LRRIQ3: variants seen among roughly 807,000 people sequenced by gnomAD.
LRRIQ3 encodes the protein leucine-rich repeat and IQ domain-containing protein 3.
In LRRIQ3, 75 loss-of-function variants were observed where a neutral mutation model predicts 59.3. The ratio of observed to expected loss-of-function variants is 1.26; its 90% CI spans 1.05 to 1.53. The LOEUF is 1.53. LRRIQ3 is among the 40% of genes most tolerant of loss of function. The pLI, the probability that LRRIQ3 is intolerant of heterozygous loss-of-function variation, is 0.00. For synonymous variants in LRRIQ3, 250 were observed against 231.3 expected (o/e 1.08, Z -0.73); for missense variants, 831 against 710.0 (o/e 1.17, Z -1.94).
Position 74,091,017 on chromosome 1 carries a change from C to A in LRRIQ3, c.868-16227G>T, listed in dbSNP as rs1250805066. On this transcript the variant is annotated intron_variant, in intron 5 of 7. Transcript: ENST00000354431. Reference sequence around the variant, plus strand: ...TCAAAATTTAAGAGAAGGCAAGATCCCCCAAAGGTAAGTCCTCAAAGATGC... The same window carrying A: ...TCAAAATTTAAGAGAAGGCAAGATCACCCAAAGGTAAGTCCTCAAAGATGC... Among the ~76,000 whole-genome samples the A allele has an allele frequency of 5.3e-5, 8 of 152,064 alleles. No homozygotes were observed. In the South Asian group the frequency reaches 8.3e-4, roughly 16 times the overall value.
intron 4 of LRRIQ3, among the ~76,000 whole-genome samples, chr1:74,129,569 T>C (rs1646982687): frequency 6.6e-6 from 1 of 152,026 alleles, no homozygotes; most frequent in South Asian, 2.1e-4. Context: ...CTTGGTGCTC[T>C]ACTCTGTTTG....
intron 4 of LRRIQ3, among the ~76,000 whole-genome samples, chr1:74,113,591 TG>T (rs1646734040): frequency 6.6e-6 from 1 of 151,814 alleles, no homozygotes; most frequent in South Asian, 2.1e-4. Context: ...TGAGAAACAA[TG>T]GAAGCCAGAA....
intron 6 of LRRIQ3, among the ~76,000 whole-genome samples, chr1:74,052,529 T>C (rs1224335431): frequency 8.6e-6 from 1 of 116,216 alleles, no homozygotes; most frequent in Non-Finnish European, 1.7e-5. Context: ...AGCTCTCAAT[T>C]TCATTTTTTG....
At chr1:74,063,091 A>G (rs76440924) in intron 6 of LRRIQ3, among the ~76,000 whole-genome samples, 2,401 of 151,996 alleles carry the variant, frequency 0.016, 29 homozygotes, top group Non-Finnish European at 0.022. Context: ...AATCAAAACA[A>G]AACAAAACAA....
chr1:74,059,140 C>T (rs901363501), intron 6 of LRRIQ3, among the ~76,000 whole-genome samples: 2 of 151,918 alleles, frequency 1.3e-5, no homozygotes, highest in Non-Finnish European at 2.9e-5. Flanking sequence ...TCTTACTCAG[C>T]GAGTGTCTTT....
intron 6 of LRRIQ3, among the ~76,000 whole-genome samples, chr1:74,065,108 ACAAT>A (rs755039713): frequency 7.2e-5 from 11 of 152,086 alleles, no homozygotes; most frequent in Non-Finnish European, 1.3e-4. Flanking sequence ...CACTGTACTT[ACAAT>A]CAAAGAACTG....
intron 4 of LRRIQ3, among the ~76,000 whole-genome samples, chr1:74,121,073 C>T (rs1258001938): frequency 6.6e-6 from 1 of 152,016 alleles, no homozygotes; most frequent in Non-Finnish European, 1.5e-5. Flanking sequence ...AAAACTTTTC[C>T]TATGTGCAGG....
chr1:74,163,991 A>G (rs112212115), intron 3 of LRRIQ3, among the ~76,000 whole-genome samples: 9 of 151,480 alleles, frequency 5.9e-5, no homozygotes, highest in African/African-American at 2.2e-4. Context: ...CCTAACAGCT[A>G]ATGATATTGA....
chr1:74,151,652 C>T (rs956752258), intron 4 of LRRIQ3, among the ~76,000 whole-genome samples: 4 of 152,114 alleles, frequency 2.6e-5, no homozygotes, highest in African/African-American at 7.2e-5. Flanking sequence ...ATGGTAAGAT[C>T]TAAAGGATCT....
intron 6 of LRRIQ3, among the ~76,000 whole-genome samples, chr1:74,070,787 C>A (rs2100468001): frequency 6.6e-6 from 1 of 151,678 alleles, no homozygotes; most frequent in East Asian, 1.9e-4. Context: ...AACTATCTGT[C>A]CAACAATCCA....
chr1:74,086,281 G>A (rs1231108650), intron 5 of LRRIQ3, among the ~76,000 whole-genome samples: 3 of 152,002 alleles, frequency 2.0e-5, no homozygotes, highest in Non-Finnish European at 4.4e-5. Flanking sequence ...TCTTTAGTCC[G>A]AGTTTTCTTC....
chr1:74,121,216 T>C (rs1646850728), intron 4 of LRRIQ3, among the ~76,000 whole-genome samples: 1 of 152,194 alleles, frequency 6.6e-6, no homozygotes, highest in African/African-American at 2.4e-5. Flanking sequence ...TACAGAGATA[T>C]TATACTCACC....
At chr1:74,076,139 T>A (rs577754701) in intron 5 of LRRIQ3, among the ~76,000 whole-genome samples, 16 of 152,198 alleles carry the variant, frequency 1.1e-4, no homozygotes, top group African/African-American at 3.9e-4. Flanking sequence ...GAGAAAAAGT[T>A]CAGAAGCTTA....
intron 4 of LRRIQ3, chr1:74,144,544 GT>G: frequency 5.2e-6 from 1 of 192,216 alleles, no homozygotes; most frequent in South Asian, 5.4e-5. Flanking sequence ...GACTGTAACA[GT>G]CTGTAAAAAA....
chr1:74,175,328 C>T (rs1270682321), intron 3 of LRRIQ3, among the ~76,000 whole-genome samples: 2 of 152,128 alleles, frequency 1.3e-5, no homozygotes, highest in Non-Finnish European at 2.9e-5. Context: ...AACAGCTCTA[C>T]CCTCCCCCTT....
intron 6 of LRRIQ3, among the ~76,000 whole-genome samples, chr1:74,043,382 A>G (rs138006099): frequency 3.9e-5 from 6 of 152,282 alleles, no homozygotes; most frequent in African/African-American, 1.4e-4. Flanking sequence ...CAGGGCTTGT[A>G]GTCTAGACGG....
intron 6 of LRRIQ3, among the ~76,000 whole-genome samples, chr1:74,065,556 C>A (rs1032083): frequency 1.3e-5 from 2 of 152,112 alleles, no homozygotes; most frequent in African/African-American, 4.8e-5. Flanking sequence ...CCATAGTTAA[C>A]GTGAGGTCAA....
At chr1:74,184,481 T>G (rs1296575327) in intron 1 of LRRIQ3, among the ~76,000 whole-genome samples, 2 of 152,142 alleles carry the variant, frequency 1.3e-5, no homozygotes, top group African/African-American at 4.8e-5. Flanking sequence ...CATTCCCCAA[T>G]GGAAGAATCG....
chr1:74,106,381 G>T (rs971545414), intron 5 of LRRIQ3, among the ~76,000 whole-genome samples: 1 of 151,924 alleles, frequency 6.6e-6, no homozygotes, highest in Non-Finnish European at 1.5e-5. Context: ...ATGGCGGGGG[G>T]AGGAAGGGAG....
Sources: gnomAD v4.1 joint callset for allele counts (sites outside exome capture counted in the v4.1 genomes callset) on GRCh38, gnomAD v4.1.1 for gene constraint, MANE v1.5 for transcripts, NCBI Gene and HGNC (gene_info 2026-07-23, HGNC 2026-07-21) for gene names.